The following TNIK variants were observed in gnomAD, a reference collection of about 807,000 sequenced individuals.
The protein encoded by TNIK is TRAF2 and NCK-interacting protein kinase.
A neutral mutation model predicts 191.3 loss-of-function variants in TNIK; 49 were observed. The ratio of observed to expected loss-of-function variants is 0.26; its 90% CI spans 0.20 to 0.32. The LOEUF (loss-of-function observed/expected upper bound fraction) is 0.32, where lower values mean the gene tolerates loss of function less well. Ranked by LOEUF, TNIK falls within the 10% of genes least tolerant of loss-of-function variation. The pLI, the probability that TNIK is intolerant of heterozygous loss-of-function variation, is 1.00. For missense variants in TNIK, 1,155 were observed against 1,702.3 expected (o/e 0.68, Z 5.66); for synonymous variants, 594 against 600.9 (o/e 0.99, Z 0.17).
chr3:171,197,009 C>G (rs1738774609), intron 4 of TNIK, among the ~76,000 whole-genome samples: 1 of 152,232 alleles, frequency 6.6e-6, no homozygotes, highest in Non-Finnish European at 1.5e-5. Context: ...CCCGCCTCGG[C>G]CTCCCAAAGT....
At position 171,218,737 on chromosome 3, in the gene TNIK, G is replaced by A. The variant is rs145454144; in HGVS notation, c.181-7496C>T. ...TATACTCTACATAGATTTTTACATT[G>A]TATACACTATATATGCATTATATAT... On this transcript the variant is annotated intron_variant, in intron 3 of 32. Coordinates refer to ENST00000436636, the MANE Select transcript of TNIK (RefSeq NM_015028.4). Among the ~76,000 whole-genome samples the A allele has an allele frequency of 5.5e-4, 78 of 143,116 alleles. 1 individual carries two copies. In the East Asian group the frequency reaches 0.015, roughly 27 times the overall value. The allele number at this position is 143,116 out of a possible 152,430, so 93.9% of individuals were successfully genotyped here. A position where few individuals can be genotyped will look rare whatever the true frequency, so the allele number is the denominator to read the frequency against.
chr3:171,379,094 A>T (rs1717656340), intron 1 of TNIK, among the ~76,000 whole-genome samples: 1 of 152,210 alleles, frequency 6.6e-6, no homozygotes, highest in African/African-American at 2.4e-5. Flanking sequence ...ATGTAAGAAG[A>T]TTTAGTGCAC....
chr3:171,399,428 A>G (rs951672686), intron 1 of TNIK, among the ~76,000 whole-genome samples: 1 of 152,216 alleles, frequency 6.6e-6, no homozygotes, highest in Non-Finnish European at 1.5e-5. Context: ...AACAATATTC[A>G]GCATCTAAAA....
chr3:171,282,914 A>G (rs1020839363), intron 2 of TNIK, among the ~76,000 whole-genome samples: 12 of 152,162 alleles, frequency 7.9e-5, no homozygotes, highest in Admixed American at 3.9e-4. Flanking sequence ...GCTGCTGTTA[A>G]TTCTACCAGC....
chr3:171,289,039 T>C (rs777013704), intron 2 of TNIK, among the ~76,000 whole-genome samples: 1 of 152,304 alleles, frequency 6.6e-6, no homozygotes, highest in African/African-American at 2.4e-5. Flanking sequence ...TAAATTATAA[T>C]GTATATGTTC....
In TNIK at chr3:171,372,675, G is replaced by T. The variant is rs376564152; in HGVS notation, c.58-2990C>A. ...CCCGTCCCAGAGGTAACAATCTTAG[G>T]TGAACTGACACTGTTCAGCTGAGGA... is the stretch of plus-strand genomic sequence containing the variant. On this transcript the variant is annotated intron_variant, in intron 1 of 32. Coordinates refer to ENST00000436636, the MANE Select transcript of TNIK (RefSeq NM_015028.4). 1.5e-3 allele frequency among the ~76,000 whole-genome samples: 227 copies of T among 152,280 alleles called. 1 individual carries two copies. Among genetic ancestry groups the T allele is most frequent in the African/African-American group, 4.9e-3 (204 of 41,556 alleles).
rs540406567 is a variant in TNIK, at chr3:171,326,962, C to T, written c.123+42658G>A. 5.9e-5 allele frequency among the ~76,000 whole-genome samples: 9 copies of T among 152,252 alleles called. No individual in the cohort carries two copies. The South Asian group carries it at 1.7e-3, about 28-fold the overall frequency. On this transcript the variant is annotated intron_variant, in intron 2 of 32. Coordinates refer to ENST00000436636, the MANE Select transcript of TNIK (RefSeq NM_015028.4). ...ATCATCTACTCCTACAGGATGCCTA[C>T]CCTACTCTGCCCCTGAAAACCCCTG...
chr3:171,392,143 T>C (rs933011677), intron 1 of TNIK, among the ~76,000 whole-genome samples: 2 of 152,160 alleles, frequency 1.3e-5, no homozygotes, highest in Non-Finnish European at 1.5e-5. Context: ...AGAAATTACA[T>C]TATATGCCCC....
At chr3:171,162,378 CGCACCACT>C (rs1409792298) in intron 10 of TNIK, among the ~76,000 whole-genome samples, 9 of 152,156 alleles carry the variant, frequency 5.9e-5, no homozygotes, top group African/African-American at 2.2e-4. Context: ...GAGCCAAGAT[CGCACCACT>C]GCACTCAAGC....
At chr3:171,067,205 A>C (rs1397824192) in intron 30 of TNIK, among the ~76,000 whole-genome samples, 12 of 152,178 alleles carry the variant, frequency 7.9e-5, no homozygotes. Context: ...GAAGATGAGG[A>C]GAATGTAAGC....
chr3:171,419,477 C>T (rs930502327), intron 1 of TNIK, among the ~76,000 whole-genome samples: 1 of 152,154 alleles, frequency 6.6e-6, no homozygotes, highest in Non-Finnish European at 1.5e-5. Context: ...TTGAATACTT[C>T]AAATGGGTGA....
chr3:171,331,526 T>C (rs1431931332), intron 2 of TNIK, among the ~76,000 whole-genome samples: 2 of 152,324 alleles, frequency 1.3e-5, no homozygotes, highest in East Asian at 1.9e-4. Flanking sequence ...AACTGACTTA[T>C]ATGGCTAAGG....
chr3:171,126,199 G>A, intron 16 of TNIK, 48 bp from the exon 17 acceptor site: 2 of 1,449,826 alleles, frequency 1.4e-6, no homozygotes, highest in South Asian at 1.6e-5. Context: ...AGAAAAAAGA[G>A]ATCAGCCAGT....
At chr3:171,448,708 C>G (rs1727813434) in intron 1 of TNIK, among the ~76,000 whole-genome samples, 1 of 151,822 alleles carries the variant, frequency 6.6e-6, no homozygotes, top group African/African-American at 2.4e-5. Flanking sequence ...ATGGCTGTAC[C>G]ATTTTACATT....
At chr3:171,437,043 C>T (rs1252849910) in intron 1 of TNIK, among the ~76,000 whole-genome samples, 2 of 152,118 alleles carry the variant, frequency 1.3e-5, no homozygotes, top group Non-Finnish European at 2.9e-5. Context: ...CCTATAAAAG[C>T]TTGGAATCTA....
At chr3:171,130,090 G>A (rs1729031160) in intron 15 of TNIK, among the ~76,000 whole-genome samples, 1 of 152,144 alleles carries the variant, frequency 6.6e-6, no homozygotes, top group South Asian at 2.1e-4. Context: ...CAATATTCAT[G>A]TCTGTTTGCA....
intron 9 of TNIK, among the ~76,000 whole-genome samples, chr3:171,168,465 T>C (rs943453366): frequency 1.3e-5 from 2 of 152,206 alleles, no homozygotes; most frequent in Non-Finnish European, 2.9e-5. Flanking sequence ...ATGGAGAGCA[T>C]GTTCTTCAAC....
chr3:171,423,062 T>G (rs1330778589), intron 1 of TNIK, among the ~76,000 whole-genome samples: 1 of 152,222 alleles, frequency 6.6e-6, no homozygotes, highest in Non-Finnish European at 1.5e-5. Flanking sequence ...AACATGTGCA[T>G]AGGTATTTAT....
At chr3:171,426,730 C>T (rs1473622604) in intron 1 of TNIK, among the ~76,000 whole-genome samples, 5 of 152,086 alleles carry the variant, frequency 3.3e-5, no homozygotes, top group Admixed American at 6.6e-5. Context: ...CCCCTTCTCA[C>T]CACACTCTGC....
Sources: allele counts gnomAD v4.1 joint callset (sites outside exome capture counted in the v4.1 genomes callset), GRCh38; gene constraint gnomAD v4.1.1; transcripts MANE v1.5; gene names NCBI Gene and HGNC (gene_info 2026-07-23, HGNC 2026-07-21).